GPR107: variants seen among roughly 807,000 people sequenced by gnomAD.
The protein encoded by GPR107 is G protein-coupled receptor 107, also known as protein GPR107.
In GPR107, 31 loss-of-function variants were observed where a neutral mutation model predicts 75.5. The ratio of observed to expected loss-of-function variants is 0.41; its 90% CI spans 0.31 to 0.55. GPR107 has a LOEUF of 0.55. Ranked by LOEUF, GPR107 falls within the 20% of genes least tolerant of loss-of-function variation. The pLI, the probability that GPR107 is intolerant of heterozygous loss-of-function variation, is 0.26. For synonymous variants in GPR107, 267 were observed against 251.3 expected, an observed-to-expected ratio of 1.06 and a Z score of -0.59; for missense variants, 572 against 665.7, an observed-to-expected ratio of 0.86 and a Z score of 1.55.
At chr9:130,109,770 T>C (rs541383974) in intron 14 of GPR107, among the ~76,000 whole-genome samples, 20 of 149,982 alleles carry the variant, frequency 1.3e-4, no homozygotes, top group Non-Finnish European at 2.8e-4. Flanking sequence ...AGGGTTCCAC[T>C]ATGTTGGCCA....
chr9:130,108,766 A>G (rs1831222442), intron 14 of GPR107: 1 of 455,566 alleles, frequency 2.2e-6, no homozygotes, highest in South Asian at 1.5e-5. Context: ...TTTCCCCTCA[A>G]AGATACCAGG....
intron 1 of GPR107, among the ~76,000 whole-genome samples, chr9:130,060,682 T>C (rs939338902): frequency 1.3e-5 from 2 of 152,172 alleles, no homozygotes; most frequent in Admixed American, 6.6e-5. Flanking sequence ...TTCAAGTAGA[T>C]GCTGCAAATG....
chr9:130,095,453 G>A (rs1029110740), intron 9 of GPR107, among the ~76,000 whole-genome samples: 1 of 152,018 alleles, frequency 6.6e-6, no homozygotes, highest in Non-Finnish European at 1.5e-5. Flanking sequence ...GGAGTGCAGT[G>A]GTGCAATCTT....
In GPR107 at chr9:130,135,159, T is replaced by G. The variant is rs1445093042; in HGVS notation, c.*38T>G. On this transcript the variant is annotated 3_prime_UTR_variant, in exon 18 of 18. Coordinates refer to ENST00000347136, the MANE Select transcript of GPR107 (RefSeq NM_020960.5). Reference sequence around the variant, plus strand: ...TGAGGATGGCACTGTCCAAGGAAACTGTTAACTTATTCATAGTCCTATTGG... The same window carrying G: ...TGAGGATGGCACTGTCCAAGGAAACGGTTAACTTATTCATAGTCCTATTGG... The G allele has an allele frequency of 2.7e-6, 3 of 1,130,750 alleles. No individual in the cohort carries two copies. The Admixed American group carries it at 6.0e-5, about 23-fold the overall frequency. 70.0% of individuals were successfully genotyped at this position (1,130,750 alleles called of 1,614,324 possible).
intron 1 of GPR107, among the ~76,000 whole-genome samples, chr9:130,057,999 T>G (rs1397478709): frequency 3.3e-5 from 5 of 152,100 alleles, no homozygotes; most frequent in African/African-American, 1.2e-4. Context: ...TGGCTAATTT[T>G]TGTATTTTTA....
Position 130,135,344 on chromosome 9 carries a change from A to C in GPR107, c.*223A>C. On this transcript the variant is annotated 3_prime_UTR_variant, in exon 18 of 18. Coordinates refer to ENST00000347136, the MANE Select transcript of GPR107 (RefSeq NM_020960.5). Reference sequence around the variant, plus strand: ...CAGCTGGATCCTCTTTCAGGCGGGAATGGGAGGGCGGGCACAGGGAGGAGG... The same window carrying C: ...CAGCTGGATCCTCTTTCAGGCGGGACTGGGAGGGCGGGCACAGGGAGGAGG... 1 of 331,416 alleles carries C rather than the reference A, an allele frequency of 3.0e-6. No individual in the cohort carries two copies. The highest frequency in any genetic ancestry group is 5.6e-6 in the Non-Finnish European group (1 of 178,438). The allele number at this position is 331,416 out of a possible 1,614,324, so 20.5% of individuals were successfully genotyped here. A position where few individuals can be genotyped will look rare whatever the true frequency, so the allele number is the denominator to read the frequency against.
chr9:130,121,933 C>T (rs902321608), intron 14 of GPR107, among the ~76,000 whole-genome samples: 4 of 151,984 alleles, frequency 2.6e-5, no homozygotes, highest in Non-Finnish European at 5.9e-5. Flanking sequence ...CTCTGTCACC[C>T]AGGCTGGAGT....
rs1291319013 is a variant in GPR107 at position 130,107,488 on chromosome 9, AT to A, written c.1263-3del. The A allele has an allele frequency of 2.6e-6, 4 of 1,558,752 alleles. No individual in the cohort carries two copies. The highest frequency in any genetic ancestry group is 2.7e-5 in the African/African-American group (2 of 73,960). ...CTAACTTTTTGTTCTCTAAATGTTT[AT>A]TTTTAGGTCAATCAGACATTTACAA... On this transcript the variant is annotated splice_region_variant and splice_polypyrimidine_tract_variant and intron_variant, in intron 13 of 17. Coordinates refer to ENST00000347136, the MANE Select transcript of GPR107 (RefSeq NM_020960.5).
rs1831333037 is a variant in GPR107, at chr9:130,112,561, TAA to T, written c.1306+5025_1306+5026del. ...TCACTTAAGAATGGTCTTGAAATAA[TAA>T]AACTGTTGATGTGATTAAATCTCAA... On this transcript the variant is annotated intron_variant, in intron 14 of 17. Coordinates refer to ENST00000347136, the MANE Select transcript of GPR107 (RefSeq NM_020960.5). The surrounding 1 kb of genome is among the most constrained non-coding windows in gnomAD (Gnocchi z 4.0). Among the ~76,000 whole-genome samples, 1 of 152,110 alleles carries T rather than the reference TAA, an allele frequency of 6.6e-6. No individual in the cohort carries two copies. The highest frequency in any genetic ancestry group is 1.5e-5 in the Non-Finnish European group (1 of 68,014).
At chr9:130,102,615 G>A (rs930848472) in intron 12 of GPR107, among the ~76,000 whole-genome samples, 2 of 152,160 alleles carry the variant, frequency 1.3e-5, no homozygotes. Flanking sequence ...TTGGCCATGG[G>A]CAGTGACAGA....
At chr9:130,107,902 G>A (rs1831198356) in intron 14 of GPR107, among the ~76,000 whole-genome samples, 1 of 152,204 alleles carries the variant, frequency 6.6e-6, no homozygotes, top group Admixed American at 6.5e-5. Context: ...ATTGGAGATG[G>A]CTATGTGTAA....
intron 1 of GPR107, among the ~76,000 whole-genome samples, chr9:130,065,318 C>T (rs1187189838): frequency 6.6e-6 from 1 of 151,190 alleles, no homozygotes; most frequent in African/African-American, 2.4e-5. Context: ...GGGCGTGGAT[C>T]CCCAGCTTCT....
intron 12 of GPR107, among the ~76,000 whole-genome samples, chr9:130,101,896 T>C (rs185117603): frequency 6.6e-6 from 1 of 152,216 alleles, no homozygotes; most frequent in East Asian, 1.9e-4. Context: ...ACAAAGTAAA[T>C]GTGGAAGGTT....
chr9:130,119,661 G>A (rs1354664919), intron 14 of GPR107, among the ~76,000 whole-genome samples: 2 of 152,128 alleles, frequency 1.3e-5, no homozygotes, highest in Non-Finnish European at 2.9e-5. Flanking sequence ...TACTCCACGA[G>A]TAAGCTCAGT....
At chr9:130,082,573 A>T (rs1830518983) in intron 5 of GPR107, among the ~76,000 whole-genome samples, 1 of 146,588 alleles carries the variant, frequency 6.8e-6, no homozygotes, top group Non-Finnish European at 1.5e-5. Flanking sequence ...TCCACCTCCC[A>T]GGTTCACGCC....
intron 14 of GPR107, among the ~76,000 whole-genome samples, chr9:130,116,762 G>C (rs2132635477): frequency 6.6e-6 from 1 of 152,260 alleles, no homozygotes; most frequent in South Asian, 2.1e-4. Context: ...GTCAGAGCTA[G>C]CTTTCCTGGT....
At chr9:130,116,581 C>G (rs1275896796) in intron 14 of GPR107, among the ~76,000 whole-genome samples, 1 of 152,168 alleles carries the variant, frequency 6.6e-6, no homozygotes, top group Admixed American at 6.5e-5. Context: ...CACAGCATTG[C>G]GGCTGCAGGC....
At chr9:130,068,639 GTGCAGAAGT>G (rs1157839345) in intron 1 of GPR107, among the ~76,000 whole-genome samples, 1 of 152,064 alleles carries the variant, frequency 6.6e-6, no homozygotes, top group Admixed American at 6.6e-5. Flanking sequence ...TATGAAGTCG[GTGCAGAAGT>G]TCTGACATTT....
At chr9:130,116,164 G>C (rs1323984938) in intron 14 of GPR107, among the ~76,000 whole-genome samples, 1 of 152,178 alleles carries the variant, frequency 6.6e-6, no homozygotes, top group East Asian at 1.9e-4. Flanking sequence ...ACATTGCCAG[G>C]CTTTTTTAGG....
Sources: allele counts gnomAD v4.1 joint callset (sites outside exome capture counted in the v4.1 genomes callset), GRCh38; gene constraint gnomAD v4.1.1; non-coding constraint Gnocchi (gnomAD v3.1); transcripts MANE v1.5; gene names NCBI Gene and HGNC (gene_info 2026-07-23, HGNC 2026-07-21).